The following PDE4D variants were observed in gnomAD, a reference collection of about 807,000 sequenced individuals.
PDE4D encodes 3',5'-cyclic-AMP phosphodiesterase 4D.
A neutral mutation model predicts 87.4 loss-of-function variants in PDE4D; 24 were observed. The ratio of observed to expected loss-of-function variants is 0.27; its 90% CI spans 0.20 to 0.39. PDE4D has a LOEUF of 0.39. Ranked by LOEUF, PDE4D falls within the 10% of genes least tolerant of loss-of-function variation. PDE4D has a pLI of 1.00. For missense variants in PDE4D, 714 were observed against 1,041.0 expected (o/e 0.69, Z 4.32); for synonymous variants, 384 against 383.2 (o/e 1.00, Z -0.02).
At chr5:59,564,034 T>C (rs1820487971) in intron 1 of PDE4D, among the ~76,000 whole-genome samples, 1 of 152,172 alleles carries the variant, frequency 6.6e-6, no homozygotes, top group Non-Finnish European at 1.5e-5. Flanking sequence ...CTCTACAGGC[T>C]TTAGCTTCAG....
chr5:59,597,629 G>GA (rs1247838266), intron 1 of PDE4D, among the ~76,000 whole-genome samples: 2 of 151,506 alleles, frequency 1.3e-5, no homozygotes, highest in African/African-American at 2.4e-5. Flanking sequence ...TCCTTTTTAG[G>GA]AAAAAAAGGA....
chr5:59,367,800 CAAGA>C (rs1476743044), intron 1 of PDE4D, among the ~76,000 whole-genome samples: 2 of 152,058 alleles, frequency 1.3e-5, no homozygotes, highest in Admixed American at 1.3e-4. Context: ...AAGGAAAAAG[CAAGA>C]GAGAGAGAAA....
intron 1 of PDE4D, among the ~76,000 whole-genome samples, chr5:60,377,443 G>T (rs957180314): frequency 2.0e-5 from 3 of 152,208 alleles, no homozygotes; most frequent in Admixed American, 1.3e-4. Flanking sequence ...TAAAGGAATA[G>T]AATCTATTTA....
At chr5:59,519,945 T>TA (rs1298385599) in intron 1 of PDE4D, among the ~76,000 whole-genome samples, 3 of 152,098 alleles carry the variant, frequency 2.0e-5, no homozygotes, top group African/African-American at 4.8e-5. Context: ...TCTCAGCACT[T>TA]ATGTATTTAT....
intron 1 of PDE4D, among the ~76,000 whole-genome samples, chr5:60,484,906 A>G (rs769828074): frequency 3.3e-5 from 5 of 152,188 alleles, no homozygotes; most frequent in African/African-American, 4.8e-5. Flanking sequence ...ATATTCACCA[A>G]TCTAGTAAAA....
chr5:60,467,775 T>G (rs1223538729), intron 1 of PDE4D, among the ~76,000 whole-genome samples: 1 of 151,834 alleles, frequency 6.6e-6, no homozygotes, highest in Non-Finnish European at 1.5e-5. Flanking sequence ...TGATGGAAGG[T>G]GAAGGGGAAG....
In PDE4D at chr5:60,441,323, A is replaced by T. The variant is rs550737778; in HGVS notation, c.-90+46619T>A. On this transcript the variant is annotated intron_variant, in intron 1 of 16. Coordinates refer to the PDE4D transcript ENST00000502484. Reference sequence around the variant, plus strand: ...TCTGATCTTTGACAAACCTGACAAAAACAAGCAATGGGGAAAGGATTCCCT... The same window carrying T: ...TCTGATCTTTGACAAACCTGACAAATACAAGCAATGGGGAAAGGATTCCCT... Among the ~76,000 whole-genome samples the T allele has an allele frequency of 7.2e-4, 109 of 152,302 alleles. 1 individual carries two copies. The highest frequency in any genetic ancestry group is 2.5e-3 in the African/African-American group (103 of 41,568).
chr5:59,796,168 G>C (rs1390712846), intron 1 of PDE4D, among the ~76,000 whole-genome samples: 1 of 152,224 alleles, frequency 6.6e-6, no homozygotes, highest in South Asian at 2.1e-4. Flanking sequence ...CAAAAGATCA[G>C]GGAGGAAGTC....
intron 1 of PDE4D, among the ~76,000 whole-genome samples, chr5:59,825,097 A>C (rs181980221): frequency 6.6e-6 from 1 of 152,174 alleles, no homozygotes; most frequent in Non-Finnish European, 1.5e-5. Context: ...CTGCGTGTCA[A>C]TTGGGTGCAA....
intron 2 of PDE4D, among the ~76,000 whole-genome samples, chr5:60,003,621 A>C (rs1174347790): frequency 6.6e-6 from 1 of 151,138 alleles, no homozygotes; most frequent in Non-Finnish European, 1.5e-5. Flanking sequence ...GAGGCAGAGA[A>C]TTGCTTGAAC....
chr5:59,609,023 T>G (rs140490027), intron 1 of PDE4D, among the ~76,000 whole-genome samples: 1 of 152,152 alleles, frequency 6.6e-6, no homozygotes, highest in African/African-American at 2.4e-5. Context: ...AGGAAGCAGC[T>G]GAGCCTTGAG....
chr5:60,001,624 T>G (rs1169797320), intron 2 of PDE4D, among the ~76,000 whole-genome samples: 1 of 152,170 alleles, frequency 6.6e-6, no homozygotes, highest in African/African-American at 2.4e-5. Context: ...AATGGTGATG[T>G]ATAAATTATT....
intron 1 of PDE4D, among the ~76,000 whole-genome samples, chr5:59,240,805 CACAT>C (rs147672150): frequency 0.65 from 95,667 of 148,224 alleles, 31,383 homozygotes; most frequent in African/African-American, 0.75. Context: ...CACACACACA[CACAT>C]CCCTTTTGGA....
intron 1 of PDE4D, among the ~76,000 whole-genome samples, chr5:59,736,565 G>A (rs113230900): frequency 0.036 from 5,502 of 151,994 alleles, 332 homozygotes; most frequent in African/African-American, 0.13. Context: ...TGTAATCCTA[G>A]GTACTCGGAA....
intron 1 of PDE4D, among the ~76,000 whole-genome samples, chr5:59,413,276 T>A (rs1353020217): frequency 2.0e-5 from 3 of 151,552 alleles, no homozygotes; most frequent in South Asian, 2.1e-4. Context: ...GCTAACACGG[T>A]GAAACCCCGT....
At chr5:60,349,345 T>C (rs887103680) in intron 1 of PDE4D, among the ~76,000 whole-genome samples, 5 of 152,152 alleles carry the variant, frequency 3.3e-5, no homozygotes, top group African/African-American at 1.2e-4. Context: ...CTAGTTACGA[T>C]GAATAAAAAC....
intron 1 of PDE4D, among the ~76,000 whole-genome samples, chr5:59,320,178 G>A (rs943839771): frequency 2.0e-5 from 3 of 152,102 alleles, no homozygotes. Flanking sequence ...GCACGCGCAT[G>A]CATGTGCGTG....
intron 6 of PDE4D, among the ~76,000 whole-genome samples, chr5:59,004,583 T>C (rs1476644566): frequency 2.6e-5 from 4 of 152,276 alleles, no homozygotes; most frequent in African/African-American, 4.8e-5. Context: ...CTTCACAATA[T>C]ACACTATTGC....
At position 60,298,081 on chromosome 5, in the gene PDE4D, T is replaced by A. The variant is rs149665240; in HGVS notation, c.-89-112394A>T. On this transcript the variant is annotated intron_variant, in intron 1 of 16. Coordinates refer to the PDE4D transcript ENST00000502484. ...AAAAACTATGAATTCATCATTTGGC[T>A]GTGGTTTACATATAGTTTGATGATT... is the stretch of plus-strand genomic sequence containing the variant. Among the ~76,000 whole-genome samples, 1,171 of 152,324 alleles carry A rather than the reference T, an allele frequency of 7.7e-3. 7 individuals carry two copies. Among genetic ancestry groups the A allele is most frequent in the Non-Finnish European group, 0.014 (930 of 68,024 alleles).
Sources: allele counts gnomAD v4.1 joint callset (sites outside exome capture counted in the v4.1 genomes callset), GRCh38; gene constraint gnomAD v4.1.1; transcripts MANE v1.5; gene names NCBI Gene and HGNC (gene_info 2026-07-23, HGNC 2026-07-21).